The following MYO16 variants were observed in gnomAD, a reference collection of about 807,000 sequenced individuals.
MYO16 encodes the protein unconventional myosin-XVI.
A neutral mutation model predicts 205.3 loss-of-function variants in MYO16; 94 were observed. That is an observed-to-expected ratio of 0.46 (90% CI 0.39 to 0.54). The LOEUF (loss-of-function observed/expected upper bound fraction) is 0.54, where lower values mean the gene tolerates loss of function less well. Ranked by LOEUF, MYO16 falls within the 20% of genes least tolerant of loss-of-function variation. The probability of loss-of-function intolerance (pLI) is 0.00; values close to 1 mark genes in which losing one functional copy is unlikely to be tolerated. For synonymous variants in MYO16, 988 were observed against 954.0 expected, an observed-to-expected ratio of 1.04 and a Z score of -0.66; for missense variants, 2,315 against 2,387.5, an observed-to-expected ratio of 0.97 and a Z score of 0.63.
intron 3 of MYO16, among the ~76,000 whole-genome samples, chr13:108,715,659 T>C (rs1318941752): frequency 1.3e-5 from 2 of 152,208 alleles, no homozygotes; most frequent in East Asian, 3.9e-4. Flanking sequence ...ATGCATATAC[T>C]GTGTCATCTG....
At chr13:108,872,436 G>C (rs2139141004) in intron 12 of MYO16, among the ~76,000 whole-genome samples, 1 of 152,102 alleles carries the variant, frequency 6.6e-6, no homozygotes, top group South Asian at 2.1e-4. Flanking sequence ...CACTATAGTA[G>C]TATTAGGGCT....
chr13:108,578,545 G>A, the MYO16 span, among the ~76,000 whole-genome samples: 1 of 152,088 alleles, frequency 6.6e-6, no homozygotes, highest in Non-Finnish European at 1.5e-5. Flanking sequence ...TGTTTGGTGG[G>A]TGCTGTGTAC....
At chr13:109,136,125 A>T (rs1409442997) in intron 31 of MYO16, among the ~76,000 whole-genome samples, 8 of 145,432 alleles carry the variant, frequency 5.5e-5, no homozygotes, top group Non-Finnish European at 1.2e-4. Context: ...ATGGAGTCTC[A>T]CTCTGTTGCC....
chr13:108,531,807 G>A, the MYO16 span, among the ~76,000 whole-genome samples: 2 of 152,108 alleles, frequency 1.3e-5, no homozygotes, highest in Admixed American at 6.5e-5. Flanking sequence ...AGAATGAGAA[G>A]AGAAAGACTG....
At chr13:108,886,027 G>T (rs777697665) in intron 13 of MYO16, among the ~76,000 whole-genome samples, 1 of 151,512 alleles carries the variant, frequency 6.6e-6, no homozygotes, top group Non-Finnish European at 1.5e-5. Context: ...TCGCTCTGTC[G>T]CCCAGGCTGG....
At chr13:108,999,830 A>C (rs572905167) in intron 21 of MYO16, among the ~76,000 whole-genome samples, 1 of 152,220 alleles carries the variant, frequency 6.6e-6, no homozygotes, top group African/African-American at 2.4e-5. Flanking sequence ...TAAACATAAA[A>C]TTTTATTAGT....
At chr13:108,617,348 C>A (rs2139328714) in intron 1 of MYO16, among the ~76,000 whole-genome samples, 1 of 152,282 alleles carries the variant, frequency 6.6e-6, no homozygotes, top group East Asian at 1.9e-4. Context: ...GACTGCATCA[C>A]TCTTTCATAC....
rs989618258 is a variant in MYO16, at chr13:108,834,675, T to C, written c.1098-9668T>C. On this transcript the variant is annotated intron_variant, in intron 9 of 34. Coordinates refer to ENST00000457511, the MANE Select transcript of MYO16 (RefSeq NM_001198950.3). ...TCTCTCTCTCTCTCTCTCTCACACATATATATATGTGAATATATATATATA... is the reference window on the plus strand; with the variant it reads ...TCTCTCTCTCTCTCTCTCTCACACACATATATATGTGAATATATATATATA... 4.8e-5 allele frequency among the ~76,000 whole-genome samples: 7 copies of C among 145,658 alleles called. No homozygotes were observed. The South Asian group carries it at 1.1e-3, about 23-fold the overall frequency.
intron 12 of MYO16, among the ~76,000 whole-genome samples, chr13:108,877,651 T>A (rs1879389846): frequency 6.6e-6 from 1 of 152,246 alleles, no homozygotes; most frequent in South Asian, 2.1e-4. Flanking sequence ...ATATTTATTT[T>A]CCATCTTTTT....
In MYO16 at chr13:108,604,925, G is replaced by T. The variant is rs551692566; in HGVS notation, c.-39+8686G>T. ...TGCATAGTTGGATGGATGGATTGGT[G>T]GTTGTCTAGCTGGATTAATGGATTT... is the stretch of plus-strand genomic sequence containing the variant. On this transcript the variant is annotated intron_variant, in intron 1 of 24. Transcript: ENST00000251041. Among the ~76,000 whole-genome samples the T allele has an allele frequency of 1.1e-4, 16 of 152,258 alleles. 1 individual carries two copies. In the South Asian group the frequency reaches 3.3e-3, roughly 32 times the overall value.
chr13:108,684,611 T>G (rs1195131345), intron 2 of MYO16, among the ~76,000 whole-genome samples: 10 of 152,252 alleles, frequency 6.6e-5, no homozygotes, highest in Non-Finnish European at 5.9e-5. Flanking sequence ...TTTGTTCTAA[T>G]AAGGGAGCCC....
At chr13:109,000,009 T>C (rs1885160848) in intron 21 of MYO16, among the ~76,000 whole-genome samples, 1 of 152,198 alleles carries the variant, frequency 6.6e-6, no homozygotes, top group Non-Finnish European at 1.5e-5. Context: ...TAAATAAGTT[T>C]CATAATGGAG....
the MYO16 span, among the ~76,000 whole-genome samples, chr13:108,563,467 A>G: frequency 1.3e-5 from 2 of 151,670 alleles, no homozygotes; most frequent in East Asian, 3.9e-4. Context: ...AACTATCACA[A>G]CCTCCCCCCA....
chr13:108,664,231 T>C (rs1881626148), intron 1 of MYO16, among the ~76,000 whole-genome samples: 1 of 152,218 alleles, frequency 6.6e-6, no homozygotes, highest in South Asian at 2.1e-4. Flanking sequence ...TGCAAATAAA[T>C]GAACACAAAA....
At chr13:109,096,634 T>C (rs1029909662) in intron 27 of MYO16, among the ~76,000 whole-genome samples, 1 of 152,234 alleles carries the variant, frequency 6.6e-6, no homozygotes, top group Admixed American at 6.5e-5. Flanking sequence ...GAAATGCGAC[T>C]TACCATCTCC....
chr13:109,012,973 T>A (rs750615199), intron 22 of MYO16, among the ~76,000 whole-genome samples: 7 of 151,904 alleles, frequency 4.6e-5, no homozygotes. Flanking sequence ...TTTTTGTTTT[T>A]GCTTTTTATA....
At chr13:108,811,664 T>C (rs541501647) in intron 7 of MYO16, among the ~76,000 whole-genome samples, 139 of 152,180 alleles carry the variant, frequency 9.1e-4, no homozygotes, top group African/African-American at 3.2e-3. Flanking sequence ...TCCTCTCTCA[T>C]GCCTAACAGA....
intron 10 of MYO16, among the ~76,000 whole-genome samples, chr13:108,854,045 G>A (rs144409673): frequency 0.011 from 1,617 of 151,616 alleles, 22 homozygotes; most frequent in African/African-American, 0.037. Flanking sequence ...CCAGGCTGGA[G>A]TGCAGTGGCT....
chr13:108,886,598 C>T (rs1566391356), intron 13 of MYO16: 2 of 425,412 alleles, frequency 4.7e-6, no homozygotes, highest in South Asian at 1.7e-5. Flanking sequence ...CTCCACCCCC[C>T]GTCCTTCCAG....
Sources: allele counts gnomAD v4.1 joint callset (sites outside exome capture counted in the v4.1 genomes callset), GRCh38; gene constraint gnomAD v4.1.1; transcripts MANE v1.5; gene names NCBI Gene and HGNC (gene_info 2026-07-23, HGNC 2026-07-21).